CDH7: variants seen among roughly 807,000 people sequenced by gnomAD.
CDH7 encodes the protein cadherin-7.
In CDH7, 25 loss-of-function variants were observed where a neutral mutation model predicts 71.8. The observed-to-expected ratio is 0.35, with a 90% CI of 0.25 to 0.49. The LOEUF (loss-of-function observed/expected upper bound fraction) is 0.49. Among genes scored for constraint, CDH7 ranks in the 20% least tolerant of loss-of-function variants. The pLI is 0.99. For synonymous variants in CDH7, 381 were observed against 363.8 expected, an observed-to-expected ratio of 1.05 and a Z score of -0.54; for missense variants, 862 against 974.6, an observed-to-expected ratio of 0.88 and a Z score of 1.54.
intron 2 of CDH7, among the ~76,000 whole-genome samples, chr18:65,792,185 CTTTT>C (rs71167149): frequency 0.016 from 1,658 of 104,054 alleles, 25 homozygotes; most frequent in Non-Finnish European, 0.019. Context: ...TGCAGCCAGT[CTTTT>C]TTTTTTTTTT....
At chr18:65,873,265 G>T (rs963410394) in intron 11 of CDH7, among the ~76,000 whole-genome samples, 3 of 152,054 alleles carry the variant, frequency 2.0e-5, no homozygotes, top group African/African-American at 7.2e-5. Context: ...CTGTCCTATT[G>T]TTCAACATGT....
At position 65,814,497 on chromosome 18, in the gene CDH7, T is replaced by C. The variant is rs762648484; in HGVS notation, c.518T>C (p.Val173Ala). Residue 173 changes from valine (V) to alanine (A), a missense_variant, in exon 4 of 12, where the codon GTA becomes GCA. Val to Ala is a moderately conservative substitution (Grantham distance 64). Coordinates refer to ENST00000397968, the MANE Select transcript of CDH7 (RefSeq NM_004361.5). ...GATTGGCATCTAGGGACCTCAGTGG[T>C]ACAAGTGACAGCGACGGATGCTGAT... is the stretch of plus-strand genomic sequence containing the variant. ...PEMSPVGTSVVQVTATDADDP... is the reference protein window; with the variant it reads ...PEMSPVGTSVAQVTATDADDP... 11 of 1,614,020 alleles carry C rather than the reference T, an allele frequency of 6.8e-6. No individual in the cohort carries two copies. The highest frequency in any genetic ancestry group is 8.5e-6 in the Non-Finnish European group (10 of 1,179,920).
At position 65,890,006 on chromosome 18, in the gene CDH7, A is replaced by C. The variant is rs1017017486; in HGVS notation, c.*9112A>C. ...ATTATGTTTCCCAGGCTGGCTTTTA[A>C]CTCCTGGCCTCAAGTTATCCTCCTG... On this transcript the variant is annotated 3_prime_UTR_variant, in exon 12 of 12. Coordinates refer to ENST00000397968, the MANE Select transcript of CDH7 (RefSeq NM_004361.5). The C allele has an allele frequency of 6.6e-6, 1 of 151,766 alleles. No individual in the cohort carries two copies. Among genetic ancestry groups the C allele is most frequent in the Non-Finnish European group, 1.5e-5 (1 of 67,960 alleles). 9.4% of individuals were successfully genotyped at this position (151,766 alleles called of 1,614,324 possible). A position where few individuals can be genotyped will look rare whatever the true frequency, so the allele number is the denominator to read the frequency against.
At chr18:65,878,456 A>T (rs1311897619) in intron 11 of CDH7, among the ~76,000 whole-genome samples, 4 of 152,176 alleles carry the variant, frequency 2.6e-5, no homozygotes, top group Admixed American at 2.6e-4. Context: ...CCTTTCTGAC[A>T]CCAAAGCTGC....
chr18:65,865,180 G>T (rs2587407), intron 11 of CDH7: 1 of 151,912 alleles, frequency 6.6e-6, no homozygotes, highest in Admixed American at 6.6e-5. Context: ...GATTTTTTGC[G>T]ATTTAGGTTG....
intron 6 of CDH7, among the ~76,000 whole-genome samples, chr18:65,831,240 A>G (rs1912338067): frequency 6.6e-6 from 1 of 152,198 alleles, no homozygotes; most frequent in Non-Finnish European, 1.5e-5. Context: ...TCATGAGAAC[A>G]TTGGTGTGAG....
At chr18:65,801,468 G>A (rs149137121) in intron 2 of CDH7, among the ~76,000 whole-genome samples, 1 of 152,322 alleles carries the variant, frequency 6.6e-6, no homozygotes, top group African/African-American at 2.4e-5. Context: ...ACACCCAAGA[G>A]AGAATCATTG....
intron 7 of CDH7, 58 bp downstream of exon 7, chr18:65,844,123 A>G: frequency 6.7e-7 from 1 of 1,487,356 alleles, no homozygotes; most frequent in South Asian, 1.2e-5. Flanking sequence ...TCTTGTTCAC[A>G]ACTCTTATTT....
chr18:65,788,034 A>G (rs1910576450), intron 2 of CDH7, among the ~76,000 whole-genome samples: 1 of 152,152 alleles, frequency 6.6e-6, no homozygotes, highest in Admixed American at 6.5e-5. Context: ...GAAAAAACAT[A>G]TATTAACTCT....
chr18:65,814,594 G>A lies in CDH7; in HGVS notation c.615G>A (p.Glu205=). The part of the protein sequence containing the change: ...ILQGQPYFSV[E]PKTGVIKTAL... Reference sequence around the variant, plus strand: ...AAGGACAGCCGTACTTCTCAGTGGAGCCAAAGACAGGTAAAAATTGAAATG... The same window carrying A: ...AAGGACAGCCGTACTTCTCAGTGGAACCAAAGACAGGTAAAAATTGAAATG... Residue 205 remains glutamate (E), a synonymous_variant, in exon 4 of 12, where the codon GAG becomes GAA. Transcript: ENST00000397968. 1 of 1,607,094 alleles carries A rather than the reference G, an allele frequency of 6.2e-7. No homozygotes were observed. The highest frequency in any genetic ancestry group is 1.3e-5 in the African/African-American group (1 of 74,582).
intron 2 of CDH7, among the ~76,000 whole-genome samples, chr18:65,789,104 G>C (rs1223495125): frequency 2.6e-5 from 4 of 152,184 alleles, no homozygotes; most frequent in Non-Finnish European, 5.9e-5. Flanking sequence ...CCTGCAGATT[G>C]TAATATGAGG....
Position 65,880,451 on chromosome 18 carries a change from A to T in CDH7, c.1915A>T (p.Ile639Phe). The T allele has an allele frequency of 6.3e-7, 1 of 1,575,246 alleles. No individual in the cohort carries two copies. The part of the protein sequence containing the change: ...TMRRRKKEPL[I>F]FDEERDIREN... ...GAGAAGACGGAAAAAAGAGCCCCTT[A>T]TTTTTGACGAAGAAAGAGACATCAG... The change falls in exon 12 of 12, where the codon ATT becomes TTT. Residue 639 changes from isoleucine (I) to phenylalanine (F), a missense_variant. Ile to Phe is a conservative substitution (Grantham distance 21, BLOSUM62 0). Transcript: ENST00000397968.
intron 9 of CDH7, among the ~76,000 whole-genome samples, chr18:65,859,502 AT>A (rs1395385182): frequency 1.3e-5 from 2 of 152,248 alleles, no homozygotes; most frequent in East Asian, 3.8e-4. Flanking sequence ...ACAAAAGTGA[AT>A]TCAAACATGA....
At chr18:65,772,565 A>G (rs528625472) in intron 2 of CDH7, among the ~76,000 whole-genome samples, 4 of 152,320 alleles carry the variant, frequency 2.6e-5, no homozygotes, top group African/African-American at 9.6e-5. Flanking sequence ...GTTAAAAATG[A>G]TTACCAAAGA....
chr18:65,857,758 G>C, intron 7 of CDH7, 58 bp from the exon 8 acceptor site: 1 of 1,544,512 alleles, frequency 6.5e-7, no homozygotes, highest in Non-Finnish European at 8.9e-7. Flanking sequence ...AATAGTTTCA[G>C]CAAATTATAA....
chr18:65,838,294 ATTTAC>A (rs1414176762), intron 6 of CDH7, among the ~76,000 whole-genome samples: 1 of 152,168 alleles, frequency 6.6e-6, no homozygotes, highest in Non-Finnish European at 1.5e-5. Flanking sequence ...ACTCAAGCCC[ATTTAC>A]TTAGGAAAAA....
At position 65,782,049 on chromosome 18, in the gene CDH7, C is replaced by T. The variant is rs1483652846; in HGVS notation, c.210+18997C>T. Among the ~76,000 whole-genome samples the T allele has an allele frequency of 4.7e-4, 23 of 48,852 alleles. 5 individuals carry two copies. Among genetic ancestry groups the T allele is most frequent in the Middle Eastern group, 0.037 (2 of 54 alleles). 32.0% of individuals were successfully genotyped at this position (48,852 alleles called of 152,430 possible). ...TTCTCCCTTCCTTCCTTCCTTCCTTCCTTCCTTCCTTCCTTTCTTTCTTTC... is the reference window on the plus strand; with the variant it reads ...TTCTCCCTTCCTTCCTTCCTTCCTTTCTTCCTTCCTTCCTTTCTTTCTTTC... On this transcript the variant is annotated intron_variant, in intron 2 of 11. Coordinates refer to ENST00000397968, the MANE Select transcript of CDH7 (RefSeq NM_004361.5).
chr18:65,859,905 A>G, intron 10 of CDH7, 80 bp downstream of exon 10: 1 of 839,618 alleles, frequency 1.2e-6, no homozygotes. Context: ...AGGAATGCTG[A>G]TTATGGATTT....
chr18:65,861,075 C>T (rs1403047071), intron 10 of CDH7, among the ~76,000 whole-genome samples: 1 of 152,126 alleles, frequency 6.6e-6, no homozygotes, highest in Non-Finnish European at 1.5e-5. Context: ...CCATGTGTCA[C>T]CATCCAATAC....
Sources: gnomAD v4.1 joint callset for allele counts (sites outside exome capture counted in the v4.1 genomes callset) on GRCh38, gnomAD v4.1.1 for gene constraint, MANE v1.5 for transcripts, NCBI Gene and HGNC (gene_info 2026-07-23, HGNC 2026-07-21) for gene names.